The following KAT6B variants were observed in gnomAD, a reference collection of about 807,000 sequenced individuals.
KAT6B encodes histone acetyltransferase KAT6B.
KAT6B carries 10 observed loss-of-function variants against 187.5 expected under a neutral mutation model. The observed-to-expected ratio is 0.05, with a 90% CI of 0.03 to 0.09. The LOEUF (loss-of-function observed/expected upper bound fraction) is 0.09, where lower values mean the gene tolerates loss of function less well. Among genes scored for constraint, KAT6B ranks in the 10% least tolerant of loss-of-function variants. The pLI, the probability that KAT6B is intolerant of heterozygous loss-of-function variation, is 1.00. For synonymous variants in KAT6B, 861 were observed against 926.8 expected (o/e 0.93, Z 1.29); for missense variants, 1,952 against 2,558.9 (o/e 0.76, Z 5.12).
chr10:74,906,031 C>T (rs1044808770), intron 3 of KAT6B, among the ~76,000 whole-genome samples: 1 of 152,014 alleles, frequency 6.6e-6, no homozygotes, highest in Admixed American at 6.6e-5. Flanking sequence ...ATGGTTTGTA[C>T]ACCATTAAGA....
chr10:75,028,424 A>C, intron 17 of KAT6B, 65 bp from the exon 18 acceptor site: 2 of 1,611,402 alleles, frequency 1.2e-6, no homozygotes, highest in Non-Finnish European at 1.7e-6. Flanking sequence ...AATGAATTCA[A>C]GTTGCCCATG....
At chr10:74,998,610 A>G (rs1365694316) in intron 13 of KAT6B, among the ~76,000 whole-genome samples, 1 of 152,234 alleles carries the variant, frequency 6.6e-6, no homozygotes, top group Non-Finnish European at 1.5e-5. Context: ...CATCCATATA[A>G]TGGAATATTA....
chr10:74,997,201 T>G (rs1411935869), intron 13 of KAT6B, among the ~76,000 whole-genome samples: 1 of 148,350 alleles, frequency 6.7e-6, no homozygotes. Context: ...CTCTCTCTCT[T>G]TCTCTCTCTC....
intron 4 of KAT6B, among the ~76,000 whole-genome samples, chr10:74,962,926 C>T (rs1026976431): frequency 3.3e-5 from 5 of 151,680 alleles, no homozygotes; most frequent in African/African-American, 4.8e-5. Context: ...ATGTAGTGCC[C>T]GGAGCTCTGA....
chr10:74,925,933 A>G (rs1420162069), intron 3 of KAT6B, among the ~76,000 whole-genome samples: 1 of 152,144 alleles, frequency 6.6e-6, no homozygotes, highest in Non-Finnish European at 1.5e-5. Context: ...ATGTGCGTAC[A>G]GCCCATGGCA....
chr10:74,989,208 GTTT>G (rs1189495904), intron 13 of KAT6B, 96 bp downstream of exon 13: 1 of 871,466 alleles, frequency 1.1e-6, no homozygotes, highest in African/African-American at 1.7e-5. Flanking sequence ...CTGCATTGTT[GTTT>G]TTATCAATAG....
In KAT6B at chr10:75,025,075, G is replaced by T. The variant is rs772416829; in HGVS notation, c.3490G>T (p.Asp1164Tyr). The change falls in exon 17 of 18, where the codon GAT becomes TAT. Residue 1164 changes from aspartate (D) to tyrosine (Y), a missense_variant. Physicochemically the swap from Asp to Tyr is radical, Grantham distance 160. This residue lies in a region of KAT6B where 758 missense variants were observed against 891.4 expected (regional missense o/e 0.85). Transcript: ENST00000287239. ...EVLNEPFDNS[D>Y]EERPMPQLEP... ...ACTGAATGAGCCCTTTGACAACTCA[G>T]ATGAAGAGAGGCCAATGCCACAGCT... The T allele has an allele frequency of 6.2e-7, 1 of 1,614,104 alleles. No homozygotes were observed. The highest frequency in any genetic ancestry group is 1.3e-5 in the African/African-American group (1 of 74,950).
chr10:74,974,862 G>A (rs919491580), intron 7 of KAT6B, among the ~76,000 whole-genome samples: 1 of 152,148 alleles, frequency 6.6e-6, no homozygotes, highest in African/African-American at 2.4e-5. Context: ...CTGAGAGGAA[G>A]AGGATGTCTT....
At chr10:74,971,036 G>A (rs1423249520) in intron 6 of KAT6B, among the ~76,000 whole-genome samples, 7 of 152,154 alleles carry the variant, frequency 4.6e-5, no homozygotes, top group African/African-American at 1.2e-4. Flanking sequence ...TCTGGGTGGT[G>A]CGTGTGTGCT....
At chr10:74,966,893 G>A (rs1158668394) in intron 4 of KAT6B, among the ~76,000 whole-genome samples, 3 of 152,138 alleles carry the variant, frequency 2.0e-5, no homozygotes, top group Non-Finnish European at 4.4e-5. Flanking sequence ...AGCCGGGCTT[G>A]GTGATGCGTG....
At chr10:74,928,897 T>C (rs529849168) in intron 3 of KAT6B, among the ~76,000 whole-genome samples, 5 of 152,290 alleles carry the variant, frequency 3.3e-5, no homozygotes, top group Admixed American at 3.3e-4. Context: ...CCAAGAACCT[T>C]TGTTTTCTCT....
chr10:74,824,972 G>A (rs1243837702), upstream of KAT6B, among the ~76,000 whole-genome samples: 3 of 152,092 alleles, frequency 2.0e-5, no homozygotes, highest in Non-Finnish European at 4.4e-5. Flanking sequence ...TCGCAGGCAG[G>A]GAGAGAGCAT....
chr10:74,924,105 T>C (rs1379655181), intron 3 of KAT6B, among the ~76,000 whole-genome samples: 1 of 152,178 alleles, frequency 6.6e-6, no homozygotes, highest in African/African-American at 2.4e-5. Context: ...TGGAGTTATC[T>C]ATCACTGAGA....
intron 4 of KAT6B, among the ~76,000 whole-genome samples, chr10:74,966,136 T>C (rs1841448905): frequency 6.6e-6 from 1 of 152,170 alleles, no homozygotes; most frequent in South Asian, 2.1e-4. Flanking sequence ...GCCACCCACA[T>C]TCCCCGGCTT....
intron 11 of KAT6B, chr10:74,984,027 A>G (rs554776493): frequency 1.3e-5 from 2 of 152,288 alleles, no homozygotes; most frequent in South Asian, 4.1e-4. Context: ...ACAGTTATGT[A>G]TATCTCCATC....
chr10:74,909,906 G>A (rs1463256003), intron 3 of KAT6B, among the ~76,000 whole-genome samples: 1 of 152,042 alleles, frequency 6.6e-6, no homozygotes, highest in African/African-American at 2.4e-5. Context: ...GGAGGAGTGA[G>A]TACATTTTTG....
At chr10:74,994,783 A>C (rs1843324075) in intron 13 of KAT6B, among the ~76,000 whole-genome samples, 1 of 151,740 alleles carries the variant, frequency 6.6e-6, no homozygotes. Context: ...GTCTGGGTGA[A>C]AAAGCAAGAC....
intron 3 of KAT6B, among the ~76,000 whole-genome samples, chr10:74,848,838 AAGACTTT>A (rs143301481): frequency 6.6e-6 from 1 of 152,340 alleles, no homozygotes; most frequent in African/African-American, 2.4e-5. Flanking sequence ...TCCTATATAT[AAGACTTT>A]TTCTAATATA....
chr10:74,973,347 A>G (rs1273517054), intron 7 of KAT6B, among the ~76,000 whole-genome samples: 1 of 152,258 alleles, frequency 6.6e-6, no homozygotes, highest in African/African-American at 2.4e-5. Flanking sequence ...AAGAGGTGAA[A>G]TGAATTTATT....
Sources: allele counts gnomAD v4.1 joint callset (sites outside exome capture counted in the v4.1 genomes callset), GRCh38; gene constraint gnomAD v4.1.1; regional missense constraint gnomAD v4.1.1; transcripts MANE v1.5; gene names NCBI Gene and HGNC (gene_info 2026-07-23, HGNC 2026-07-21).